Variants in GPC5 observed in about 807,000 individuals in gnomAD.
GPC5 encodes the protein glypican 5, also known as glypican-5.
GPC5 carries 47 observed loss-of-function variants against 53.9 expected under a neutral mutation model. The observed-to-expected ratio is 0.87, with a 90% CI of 0.69 to 1.11. GPC5 has a LOEUF of 1.11. Among genes scored for constraint, GPC5 ranks in the 50% most tolerant of loss-of-function variants. The pLI, the probability that GPC5 is intolerant of heterozygous loss-of-function variation, is 0.00. For synonymous variants in GPC5, 286 were observed against 263.3 expected (o/e 1.09, Z -0.84); for missense variants, 748 against 713.1 (o/e 1.05, Z -0.56).
chr13:91,486,285 A>G (rs971591059), intron 2 of GPC5: 6 of 152,118 alleles, frequency 3.9e-5, no homozygotes, highest in Admixed American at 3.9e-4. Context: ...GGCCTTTACC[A>G]ATGAATCACT....
chr13:92,170,433 T>G (rs1163404640), intron 7 of GPC5, among the ~76,000 whole-genome samples: 1 of 137,414 alleles, frequency 7.3e-6, no homozygotes, highest in Non-Finnish European at 1.6e-5. Context: ...TTTTTTTTTT[T>G]TTTTTTTTTT....
At chr13:92,347,846 G>A (rs1462462391) in intron 7 of GPC5, among the ~76,000 whole-genome samples, 1 of 31,004 alleles carries the variant, frequency 3.2e-5, no homozygotes, top group Non-Finnish European at 5.5e-5. Context: ...GAAATAGGCT[G>A]TTTTATACAT....
At chr13:92,480,315 A>C (rs964171740) in intron 7 of GPC5, among the ~76,000 whole-genome samples, 1 of 152,188 alleles carries the variant, frequency 6.6e-6, no homozygotes, top group African/African-American at 2.4e-5. Context: ...CACAGCTCAC[A>C]TAAAGTGCAG....
At chr13:92,266,051 A>G (rs2042800416) in intron 7 of GPC5, among the ~76,000 whole-genome samples, 1 of 152,180 alleles carries the variant, frequency 6.6e-6, no homozygotes, top group Admixed American at 6.5e-5. Flanking sequence ...GCATTAATCC[A>G]TTTATTGGGA....
chr13:92,818,663 C>G (rs16947918), intron 7 of GPC5, among the ~76,000 whole-genome samples: 2 of 151,912 alleles, frequency 1.3e-5, no homozygotes, highest in Non-Finnish European at 2.9e-5. Context: ...GGACTCATGC[C>G]TGCCAGAGAA....
At chr13:92,468,725 A>G (rs1163233265) in intron 7 of GPC5, among the ~76,000 whole-genome samples, 3 of 152,164 alleles carry the variant, frequency 2.0e-5, no homozygotes, top group Non-Finnish European at 2.9e-5. Flanking sequence ...GAAACTGGGG[A>G]AAGAACACAG....
chr13:92,643,114 C>T (rs1371680839), intron 7 of GPC5, among the ~76,000 whole-genome samples: 2 of 152,058 alleles, frequency 1.3e-5, no homozygotes, highest in Non-Finnish European at 2.9e-5. Flanking sequence ...ATTGTAGATT[C>T]TGGATATTAG....
At chr13:92,327,665 G>T (rs1202846672) in intron 7 of GPC5, among the ~76,000 whole-genome samples, 3 of 152,074 alleles carry the variant, frequency 2.0e-5, no homozygotes, top group African/African-American at 7.2e-5. Flanking sequence ...CATCATTCGT[G>T]TTATCACTGT....
At chr13:91,509,431 T>C (rs1338571576) in intron 2 of GPC5, among the ~76,000 whole-genome samples, 1 of 150,110 alleles carries the variant, frequency 6.7e-6, no homozygotes, top group Non-Finnish European at 1.5e-5. Context: ...AAGGATCAAA[T>C]AGTGAGATAG....
intron 2 of GPC5, among the ~76,000 whole-genome samples, chr13:91,582,239 C>T (rs1329925755): frequency 6.6e-6 from 1 of 152,140 alleles, no homozygotes; most frequent in Non-Finnish European, 1.5e-5. Context: ...GGAATGGAAA[C>T]CAGACATAGA....
chr13:92,497,131 C>T (rs555846034), intron 7 of GPC5, among the ~76,000 whole-genome samples: 14 of 152,206 alleles, frequency 9.2e-5, no homozygotes, highest in African/African-American at 2.6e-4. Context: ...TGTCAATTTT[C>T]GCTTTTGTTG....
At chr13:92,780,111 TAC>T in intron 7 of GPC5, among the ~76,000 whole-genome samples, 1 of 152,196 alleles carries the variant, frequency 6.6e-6, no homozygotes, top group South Asian at 2.1e-4. Context: ...CTGTTTGCAG[TAC>T]AGTTTCCCTT....
intron 4 of GPC5, among the ~76,000 whole-genome samples, chr13:91,733,412 C>T (rs565992216): frequency 1.2e-4 from 18 of 152,252 alleles, no homozygotes; most frequent in Middle Eastern, 6.8e-3. Context: ...GGATTACAGG[C>T]GTCAGCCACC....
At chr13:91,656,935 A>G (rs2034859151) in intron 2 of GPC5, among the ~76,000 whole-genome samples, 1 of 152,172 alleles carries the variant, frequency 6.6e-6, no homozygotes, top group South Asian at 2.1e-4. Flanking sequence ...GGCTGGCAAT[A>G]CAGTTTAGCA....
At chr13:92,696,049 T>A (rs1456632120) in intron 7 of GPC5, among the ~76,000 whole-genome samples, 4 of 152,194 alleles carry the variant, frequency 2.6e-5, no homozygotes, top group African/African-American at 9.6e-5. Context: ...TATGGCTGCA[T>A]AGTATTCCAT....
chr13:92,343,830 T>C (rs2043387219), intron 7 of GPC5, among the ~76,000 whole-genome samples: 1 of 152,092 alleles, frequency 6.6e-6, no homozygotes, highest in Non-Finnish European at 1.5e-5. Context: ...ATAAAATTAA[T>C]TTGAAACATT....
chr13:91,997,242 T>G (rs770320862), intron 6 of GPC5, among the ~76,000 whole-genome samples: 1 of 152,220 alleles, frequency 6.6e-6, no homozygotes, highest in Admixed American at 6.5e-5. Context: ...TTATCTATGA[T>G]ACTGGATGAG....
At chr13:92,738,125 A>G (rs1180820367) in intron 7 of GPC5, among the ~76,000 whole-genome samples, 1 of 151,974 alleles carries the variant, frequency 6.6e-6, no homozygotes, top group Non-Finnish European at 1.5e-5. Flanking sequence ...CACCTCTAAA[A>G]TGTATTGGTT....
At chr13:91,713,389 T>C (rs1442453283) in intron 3 of GPC5, among the ~76,000 whole-genome samples, 1 of 151,072 alleles carries the variant, frequency 6.6e-6, no homozygotes, top group Non-Finnish European at 1.5e-5. Flanking sequence ...TGATAGTAAC[T>C]GTATCTTCTC....
Sources: allele counts gnomAD v4.1 joint callset (sites outside exome capture counted in the v4.1 genomes callset), GRCh38; gene constraint gnomAD v4.1.1; transcripts MANE v1.5; gene names NCBI Gene and HGNC (gene_info 2026-07-23, HGNC 2026-07-21).